NRG3: variants seen among roughly 807,000 people sequenced by gnomAD.
The protein encoded by NRG3 is neuregulin 3, also known as pro-neuregulin-3, membrane-bound isoform.
NRG3 carries 31 observed loss-of-function variants against 66.9 expected under a neutral mutation model. That is an observed-to-expected ratio of 0.46 (90% confidence interval 0.35 to 0.63). NRG3 has a LOEUF of 0.63. NRG3 is among the 20% of genes least tolerant of loss of function. NRG3 has a pLI of 0.00. For missense variants in NRG3, 910 were observed against 878.9 expected, an observed-to-expected ratio of 1.04 and a Z score of -0.45; for synonymous variants, 393 against 359.4, an observed-to-expected ratio of 1.09 and a Z score of -1.06.
intron 6 of NRG3, among the ~76,000 whole-genome samples, chr10:82,969,935 T>A (rs1395516744): frequency 2.0e-5 from 3 of 152,242 alleles, no homozygotes; most frequent in Non-Finnish European, 4.4e-5. Context: ...TATTTATATC[T>A]ATTAATTGCA....
chr10:82,251,703 C>T (rs192186768), intron 1 of NRG3, among the ~76,000 whole-genome samples: 38 of 152,218 alleles, frequency 2.5e-4, no homozygotes, highest in Admixed American at 3.9e-4. Flanking sequence ...TTGTTTAAAT[C>T]GAGAATTGGG....
intron 1 of NRG3, among the ~76,000 whole-genome samples, chr10:82,252,725 T>G (rs1234791573): frequency 6.6e-6 from 1 of 152,188 alleles, no homozygotes; most frequent in East Asian, 1.9e-4. Context: ...GCCCTCAGTT[T>G]TTCTATTCAA....
intron 3 of NRG3, among the ~76,000 whole-genome samples, chr10:82,759,289 G>A (rs2059208898): frequency 6.6e-6 from 1 of 152,028 alleles, no homozygotes; most frequent in African/African-American, 2.4e-5. Context: ...CTCACCAGAT[G>A]CAGCTGATAC....
At chr10:81,942,258 C>T (rs937204797) in intron 1 of NRG3, among the ~76,000 whole-genome samples, 1 of 152,012 alleles carries the variant, frequency 6.6e-6, no homozygotes, top group African/African-American at 2.4e-5. Flanking sequence ...CGTTTTAGTG[C>T]TCATTGTGAA....
chr10:82,745,074 A>G (rs1336697802), intron 3 of NRG3, among the ~76,000 whole-genome samples: 2 of 152,146 alleles, frequency 1.3e-5, no homozygotes, highest in African/African-American at 4.8e-5. Context: ...AGGACACACG[A>G]AAGACATGAT....
chr10:82,970,188 AAG>A (rs1236275119), intron 6 of NRG3, among the ~76,000 whole-genome samples: 1 of 152,214 alleles, frequency 6.6e-6, no homozygotes, highest in African/African-American at 2.4e-5. Flanking sequence ...TTTTGGATCA[AAG>A]AGTATGTATA....
In NRG3 at chr10:82,298,996, T is replaced by C. The variant is rs1018939868; in HGVS notation, c.824-59743T>C. ...TAAACTGACACCTGATAGATTGGAG[T>C]GTTCAGAGAGATGGAGGCTTCCATG... On this transcript the variant is annotated intron_variant, in intron 1 of 8. Transcript: ENST00000372141. 9.5e-4 allele frequency among the ~76,000 whole-genome samples: 144 copies of C among 151,864 alleles called. 1 individual carries two copies. Among genetic ancestry groups the C allele is most frequent in the African/African-American group, 3.2e-3 (133 of 41,410 alleles).
At chr10:82,673,383 G>A (rs2053439619) in intron 2 of NRG3, among the ~76,000 whole-genome samples, 1 of 152,216 alleles carries the variant, frequency 6.6e-6, no homozygotes, top group Admixed American at 6.5e-5. Context: ...TTTGTGACCA[G>A]AAATAGGCAG....
intron 4 of NRG3, among the ~76,000 whole-genome samples, chr10:82,897,611 C>A (rs575507205): frequency 6.6e-6 from 1 of 152,124 alleles, no homozygotes; most frequent in Non-Finnish European, 1.5e-5. Flanking sequence ...CTCTGCCTCC[C>A]GGGTTCAAGT....
At chr10:82,915,469 A>G (rs1229952467) in intron 4 of NRG3, among the ~76,000 whole-genome samples, 1 of 152,244 alleles carries the variant, frequency 6.6e-6, no homozygotes, top group East Asian at 1.9e-4. Flanking sequence ...TTTGAAATAC[A>G]GTAAATTTTT....
intron 1 of NRG3, among the ~76,000 whole-genome samples, chr10:82,024,413 A>G (rs2062202518): frequency 1.3e-5 from 2 of 152,006 alleles, no homozygotes; most frequent in South Asian, 4.1e-4. Context: ...GGGTTAAAGA[A>G]AATATCTTAT....
chr10:81,958,837 C>G (rs1314224022), intron 1 of NRG3, among the ~76,000 whole-genome samples: 6 of 151,754 alleles, frequency 4.0e-5, no homozygotes, highest in Admixed American at 2.6e-4. Flanking sequence ...TGCAGTGAGC[C>G]AAAAACAAGC....
intron 1 of NRG3, among the ~76,000 whole-genome samples, chr10:82,358,368 A>T (rs934516223): frequency 2.0e-5 from 3 of 152,198 alleles, no homozygotes; most frequent in African/African-American, 7.2e-5. Flanking sequence ...TATATTTGGC[A>T]GCAATAAAGG....
intron 1 of NRG3, among the ~76,000 whole-genome samples, chr10:82,087,718 C>T (rs1451941469): frequency 6.6e-6 from 1 of 152,086 alleles, no homozygotes; most frequent in Non-Finnish European, 1.5e-5. Flanking sequence ...GAAATACAAT[C>T]CATATGAAAT....
intron 1 of NRG3, among the ~76,000 whole-genome samples, chr10:81,941,131 C>A (rs1450880575): frequency 6.6e-6 from 1 of 152,074 alleles, no homozygotes; most frequent in Non-Finnish European, 1.5e-5. Flanking sequence ...TTGTTACATA[C>A]CCTATTAACA....
At chr10:82,025,897 T>G (rs565088718) in intron 1 of NRG3, among the ~76,000 whole-genome samples, 1 of 152,162 alleles carries the variant, frequency 6.6e-6, no homozygotes, top group East Asian at 1.9e-4. Flanking sequence ...TTGAAAACTT[T>G]CCTCTTTGCT....
intron 2 of NRG3, among the ~76,000 whole-genome samples, chr10:82,567,501 A>G (rs924535110): frequency 6.6e-6 from 1 of 151,990 alleles, no homozygotes; most frequent in South Asian, 2.1e-4. Context: ...CTAGATACAT[A>G]AGAGCACTAA....
At chr10:81,901,744 TATTATAAGATCTTAA>T (rs1446936653) in intron 1 of NRG3, among the ~76,000 whole-genome samples, 3 of 152,308 alleles carry the variant, frequency 2.0e-5, no homozygotes, top group African/African-American at 7.2e-5. Flanking sequence ...AAATTCAATT[TATTATAAGATCTTAA>T]ACAGAATCCT....
intron 1 of NRG3, among the ~76,000 whole-genome samples, chr10:82,144,674 A>G (rs531088055): frequency 3.3e-5 from 5 of 152,174 alleles, no homozygotes; most frequent in African/African-American, 1.2e-4. Flanking sequence ...CAGATGCACA[A>G]TGTTTTGTAG....
Sources: gnomAD v4.1 joint callset for allele counts (sites outside exome capture counted in the v4.1 genomes callset) on GRCh38, gnomAD v4.1.1 for gene constraint, MANE v1.5 for transcripts, NCBI Gene and HGNC (gene_info 2026-07-23, HGNC 2026-07-21) for gene names.